CELF2: variants seen among roughly 807,000 people sequenced by gnomAD.
CELF2 encodes the protein CUG triplet repeat RNA-binding protein 2.
In CELF2, 8 loss-of-function variants were observed where a neutral mutation model predicts 62.6. The ratio of observed to expected loss-of-function variants is 0.13; its 90% CI spans 0.07 to 0.23. CELF2 has a LOEUF of 0.23. Ranked by LOEUF, CELF2 falls within the 10% of genes least tolerant of loss-of-function variation. The pLI, the probability that CELF2 is intolerant of heterozygous loss-of-function variation, is 1.00. For synonymous variants in CELF2, 258 were observed against 250.0 expected (o/e 1.03, Z -0.30); for missense variants, 333 against 671.0 (o/e 0.50, Z 5.56).
At chr10:11,128,105 C>A (rs2059024376) in intron 1 of CELF2, among the ~76,000 whole-genome samples, 2 of 152,266 alleles carry the variant, frequency 1.3e-5, no homozygotes, top group Admixed American at 1.3e-4. Context: ...ATATGGCTAG[C>A]CAGTTTTCCC....
chr10:11,228,428 A>T (rs1366791118), intron 3 of CELF2, among the ~76,000 whole-genome samples: 1 of 152,188 alleles, frequency 6.6e-6, no homozygotes, highest in African/African-American at 2.4e-5. Flanking sequence ...AAGTGGCTAC[A>T]CCTCTTAGAG....
intron 10 of CELF2, chr10:11,320,748 G>A: frequency 8.5e-7 from 1 of 1,170,570 alleles, no homozygotes; most frequent in Non-Finnish European, 1.2e-6. Context: ...CCTCAGCCCT[G>A]CAAGCTATCC....
intron 1 of CELF2, among the ~76,000 whole-genome samples, chr10:10,878,196 C>A (rs960858155): frequency 6.6e-6 from 1 of 152,124 alleles, no homozygotes; most frequent in East Asian, 1.9e-4. Flanking sequence ...TTAGATGACT[C>A]TAATAGAATC....
intron 2 of CELF2, among the ~76,000 whole-genome samples, chr10:11,213,182 GT>G (rs1400403905): frequency 1.3e-5 from 2 of 151,484 alleles, no homozygotes; most frequent in African/African-American, 2.4e-5. Flanking sequence ...CCAAGGGACT[GT>G]CCCCTCTGAT....
chr10:11,115,661 G>C (rs1289030090), intron 1 of CELF2, among the ~76,000 whole-genome samples: 1 of 152,144 alleles, frequency 6.6e-6, no homozygotes, highest in African/African-American at 2.4e-5. Context: ...ATTACTCAAA[G>C]CTACTCAAAA....
chr10:11,084,315 A>G (rs1158112369), intron 1 of CELF2, among the ~76,000 whole-genome samples: 2 of 152,200 alleles, frequency 1.3e-5, no homozygotes, highest in African/African-American at 4.8e-5. Flanking sequence ...ATGCATGGAC[A>G]CAAGATTGGC....
At chr10:10,946,234 A>C (rs1026573962) in intron 2 of CELF2, 2 of 152,374 alleles carry the variant, frequency 1.3e-5, no homozygotes, top group African/African-American at 4.8e-5. Flanking sequence ...GATTTATATG[A>C]GCTCCAGAAA....
At chr10:11,120,937 C>T (rs1359049577) in intron 1 of CELF2, among the ~76,000 whole-genome samples, 1 of 152,190 alleles carries the variant, frequency 6.6e-6, no homozygotes, top group Non-Finnish European at 1.5e-5. Context: ...CAGCTCAAAT[C>T]AACAGCTTTT....
the CELF2 span, among the ~76,000 whole-genome samples, chr10:10,600,773 T>C: frequency 6.6e-6 from 1 of 152,258 alleles, no homozygotes; most frequent in African/African-American, 2.4e-5. Flanking sequence ...CATAAATTAA[T>C]GAGCAAACGA....
intron 1 of CELF2, among the ~76,000 whole-genome samples, chr10:11,047,515 C>G (rs935052417): frequency 6.6e-6 from 1 of 152,160 alleles, no homozygotes; most frequent in African/African-American, 2.4e-5. Context: ...TCTTCTGATG[C>G]TGCTGTTCTG....
chr10:10,756,676 C>A, the CELF2 span, among the ~76,000 whole-genome samples: 1 of 151,832 alleles, frequency 6.6e-6, no homozygotes, highest in Non-Finnish European at 1.5e-5. Context: ...CTTTATTTTT[C>A]TTTTCTTGAA....
chr10:10,705,361 C>T, the CELF2 span, among the ~76,000 whole-genome samples: 4 of 101,562 alleles, frequency 3.9e-5, no homozygotes, highest in African/African-American at 1.5e-4. Context: ...AGCCTCCTTC[C>T]CTATTAAAAA....
chr10:11,150,909 C>G (rs2063213917), intron 1 of CELF2, among the ~76,000 whole-genome samples: 1 of 152,166 alleles, frequency 6.6e-6, no homozygotes, highest in Non-Finnish European at 1.5e-5. Flanking sequence ...TTAAGAAGAA[C>G]AGTAATTATT....
At chr10:10,968,558 AG>A (rs2050403222) in intron 2 of CELF2, among the ~76,000 whole-genome samples, 1 of 152,176 alleles carries the variant, frequency 6.6e-6, no homozygotes, top group African/African-American at 2.4e-5. Context: ...TACAGGGAGC[AG>A]GGTTTCTTTT....
chr10:11,205,159 G>C (rs2060148311), intron 2 of CELF2, among the ~76,000 whole-genome samples: 1 of 152,186 alleles, frequency 6.6e-6, no homozygotes, highest in Admixed American at 6.5e-5. Context: ...CTAGTTCCAA[G>C]TAATTACTTC....
chr10:11,199,892 G>A (rs943760714), intron 2 of CELF2, among the ~76,000 whole-genome samples: 2 of 152,150 alleles, frequency 1.3e-5, no homozygotes, highest in Admixed American at 6.5e-5. Context: ...GTCCTAATTG[G>A]ATGGCCTGAA....
intron 1 of CELF2, among the ~76,000 whole-genome samples, chr10:10,821,851 G>A (rs1186787742): frequency 6.6e-6 from 1 of 152,080 alleles, no homozygotes; most frequent in Non-Finnish European, 1.5e-5. Context: ...TTTTGGCCCA[G>A]GCTGGTCTCG....
At chr10:10,942,065 A>G (rs2047115140) in intron 2 of CELF2, among the ~76,000 whole-genome samples, 1 of 151,612 alleles carries the variant, frequency 6.6e-6, no homozygotes. Flanking sequence ...ATCATGCTTG[A>G]ATTTTGACAA....
the CELF2 span, among the ~76,000 whole-genome samples, chr10:10,705,376 A>AT: frequency 1.3e-5 from 2 of 151,398 alleles, no homozygotes; most frequent in East Asian, 3.9e-4. Flanking sequence ...TAAAAAAAAA[A>AT]AAAAAAACCC....
Sources: gnomAD v4.1 joint callset for allele counts (sites outside exome capture counted in the v4.1 genomes callset) on GRCh38, gnomAD v4.1.1 for gene constraint, MANE v1.5 for transcripts, NCBI Gene and HGNC (gene_info 2026-07-23, HGNC 2026-07-21) for gene names.